The following ITGA11 variants were observed in gnomAD, a reference collection of about 807,000 sequenced individuals.
ITGA11 encodes integrin alpha-11.
Under a neutral mutation model 141.9 loss-of-function variants are expected in ITGA11, and 97 were observed. The observed-to-expected ratio is 0.68, with a 90% confidence interval of 0.58 to 0.81. The LOEUF (loss-of-function observed/expected upper bound fraction) is 0.81. ITGA11 is among the 30% of genes least tolerant of loss of function. ITGA11 has a pLI of 0.00. For synonymous variants in ITGA11, 658 were observed against 624.6 expected (o/e 1.05, Z -0.80); for missense variants, 1,387 against 1,559.2 (o/e 0.89, Z 1.86).
chr15:68,333,657 G>A lies in ITGA11; in HGVS notation c.1426-1179C>T, dbSNP rs1242303533. 1.3e-5 allele frequency among the ~76,000 whole-genome samples: 2 copies of A among 152,180 alleles called. No individual in the cohort carries two copies. Among genetic ancestry groups the A allele is most frequent in the Non-Finnish European group, 2.9e-5 (2 of 68,026 alleles). On this transcript the variant is annotated intron_variant, in intron 12 of 29. Coordinates refer to ENST00000315757, the MANE Select transcript of ITGA11 (RefSeq NM_001004439.2). The surrounding 1 kb of genome is among the most constrained non-coding windows in gnomAD (Gnocchi z 4.2). ...CTGCTCCCCCCTGCTTCGTCCCTAGGTGAGGCGCCTTCTAAAGGGCCTTCC... is the reference window on the plus strand; with the variant it reads ...CTGCTCCCCCCTGCTTCGTCCCTAGATGAGGCGCCTTCTAAAGGGCCTTCC...
chr15:68,327,889 C>T (rs1894030960), intron 16 of ITGA11, among the ~76,000 whole-genome samples: 1 of 152,230 alleles, frequency 6.6e-6, no homozygotes, highest in Admixed American at 6.5e-5. Flanking sequence ...ATCACCCCTG[C>T]TCACTGCCAC....
intron 2 of ITGA11, among the ~76,000 whole-genome samples, chr15:68,389,228 C>G (rs1030984084): frequency 6.6e-6 from 1 of 152,274 alleles, no homozygotes; most frequent in Non-Finnish European, 1.5e-5. Context: ...CCCATGAACA[C>G]CTGAGATCCT....
chr15:68,338,989 G>C (rs2140313687), intron 11 of ITGA11, among the ~76,000 whole-genome samples: 1 of 152,356 alleles, frequency 6.6e-6, no homozygotes, highest in Non-Finnish European at 1.5e-5. Flanking sequence ...AGCAGGCTAA[G>C]GCCTCGCTGC....
intron 2 of ITGA11, among the ~76,000 whole-genome samples, chr15:68,379,590 C>G (rs1179824550): frequency 6.6e-6 from 1 of 152,324 alleles, no homozygotes; most frequent in East Asian, 1.9e-4. Context: ...TTCTGGGTCC[C>G]ATCTGCAGGT....
In ITGA11 at chr15:68,313,229, G is replaced by A. The variant is rs931587391; in HGVS notation, c.2883-366C>T. ...GTGGGAGGGCCTGAGCTTCCTCTCC[G>A]CATCTGCTGTTCTGCCCTGACTTCT... On this transcript the variant is annotated intron_variant, in intron 23 of 29. Transcript: ENST00000315757. Among the ~76,000 whole-genome samples, 9 of 151,302 alleles carry A rather than the reference G, an allele frequency of 5.9e-5. 1 individual carries two copies. The South Asian group carries it at 1.0e-3, about 18-fold the overall frequency.
Position 68,321,369 on chromosome 15 carries a change from G to T in ITGA11, c.2408+49C>A. On this transcript the variant is annotated intron_variant, in intron 19 of 29. Transcript: ENST00000315757. The surrounding 1 kb of genome is among the most constrained non-coding windows in gnomAD (Gnocchi z 4.9). ...GGGCCCCAGGAGCCCCAGAGCCTCT[G>T]GCAGTGAAGGGGAAGGGGCGAGGGT... 1 of 1,223,418 alleles carries T rather than the reference G, an allele frequency of 8.2e-7. No individual in the cohort carries two copies. Among genetic ancestry groups the T allele is most frequent in the South Asian group, 1.5e-5 (1 of 67,344 alleles). The allele number at this position is 1,223,418 out of a possible 1,614,324, so 75.8% of individuals were successfully genotyped here.
At chr15:68,407,595 C>T (rs1896677425) in intron 1 of ITGA11, among the ~76,000 whole-genome samples, 2 of 152,118 alleles carry the variant, frequency 1.3e-5, no homozygotes, top group Admixed American at 1.3e-4. Context: ...ATGTTGGGAG[C>T]CTGGTTGGGC....
intron 1 of ITGA11, among the ~76,000 whole-genome samples, chr15:68,403,623 T>C (rs576162236): frequency 4.5e-4 from 68 of 151,886 alleles, no homozygotes; most frequent in Admixed American, 1.4e-3. Flanking sequence ...TTTCTTTCTT[T>C]CTTTCTTTCT....
chr15:68,366,457 G>A (rs974561722), intron 3 of ITGA11, among the ~76,000 whole-genome samples: 1 of 152,152 alleles, frequency 6.6e-6, no homozygotes, highest in African/African-American at 2.4e-5. Context: ...GTGGGAACTA[G>A]AGGGGCGGCT....
chr15:68,334,255 C>G (rs183170274), intron 12 of ITGA11, among the ~76,000 whole-genome samples: 1 of 152,352 alleles, frequency 6.6e-6, no homozygotes, highest in East Asian at 1.9e-4. Context: ...GCGCCCTGTT[C>G]GTGGACAAGC....
At chr15:68,381,199 G>C (rs1333900831) in intron 2 of ITGA11, among the ~76,000 whole-genome samples, 3 of 152,186 alleles carry the variant, frequency 2.0e-5, no homozygotes, top group Non-Finnish European at 4.4e-5. Flanking sequence ...ACCACCTCTA[G>C]AGGGTCTGTC....
intron 1 of ITGA11, among the ~76,000 whole-genome samples, chr15:68,406,309 A>G (rs1258256573): frequency 1.3e-5 from 2 of 152,050 alleles, no homozygotes; most frequent in Non-Finnish European, 1.5e-5. Flanking sequence ...AAGGCCCTCC[A>G]TAATCTCACC....
At chr15:68,350,473 A>G (rs1474077089) in intron 9 of ITGA11, 144 bp downstream of exon 9, 4 of 735,978 alleles carry the variant, frequency 5.4e-6, no homozygotes, top group South Asian at 2.3e-5. Flanking sequence ...TACAGGCGTG[A>G]GTCACCATGC....
chr15:68,369,982 A>T (rs547026575), intron 2 of ITGA11, among the ~76,000 whole-genome samples: 1 of 152,308 alleles, frequency 6.6e-6, no homozygotes, highest in African/African-American at 2.4e-5. Flanking sequence ...CAGAGGAGAG[A>T]CATGGGGAGA....
At chr15:68,350,844 A>C in intron 8 of ITGA11, 62 bp from the exon 9 acceptor site, 2 of 1,539,432 alleles carry the variant, frequency 1.3e-6, no homozygotes, top group Non-Finnish European at 1.8e-6. Context: ...CCCATACACC[A>C]CACGGCCTAG....
intron 1 of ITGA11, among the ~76,000 whole-genome samples, chr15:68,428,988 T>C (rs558603508): frequency 7.8e-4 from 119 of 152,342 alleles, no homozygotes; most frequent in South Asian, 2.3e-3. Context: ...GATTCTTCAA[T>C]GTACTTCCTC....
chr15:68,426,648 C>T (rs16952065), intron 1 of ITGA11, among the ~76,000 whole-genome samples: 9,371 of 152,202 alleles, frequency 0.062, 330 homozygotes, highest in Middle Eastern at 0.092. Context: ...CTCCATTTCT[C>T]AGCTGTTGAA....
chr15:68,309,590 CTTTTTTTT>C (rs913221357), intron 26 of ITGA11, among the ~76,000 whole-genome samples: 36 of 108,752 alleles, frequency 3.3e-4, no homozygotes, highest in Middle Eastern at 5.3e-3. Flanking sequence ...CAATACAGTC[CTTTTTTTT>C]TTTTTTTTTT....
chr15:68,404,917 A>G (rs186210822), intron 1 of ITGA11, among the ~76,000 whole-genome samples: 50 of 152,318 alleles, frequency 3.3e-4, no homozygotes, highest in African/African-American at 1.1e-3. Context: ...GTATGTTATC[A>G]TTCGATCTCC....
Sources: allele counts gnomAD v4.1 joint callset (sites outside exome capture counted in the v4.1 genomes callset), GRCh38; gene constraint gnomAD v4.1.1; non-coding constraint Gnocchi (gnomAD v3.1); transcripts MANE v1.5; gene names NCBI Gene and HGNC (gene_info 2026-07-23, HGNC 2026-07-21).